Variants in SEMA6D observed in about 807,000 individuals in gnomAD.
SEMA6D encodes semaphorin-6D.
Under a neutral mutation model 106.6 loss-of-function variants are expected in SEMA6D, and 35 were observed. The observed-to-expected ratio is 0.33, with a 90% CI of 0.25 to 0.44. The LOEUF is 0.44. Among genes scored for constraint, SEMA6D ranks in the 20% least tolerant of loss-of-function variants. The pLI is 1.00. For synonymous variants in SEMA6D, 499 were observed against 487.7 expected, an observed-to-expected ratio of 1.02 and a Z score of -0.31; for missense variants, 1,185 against 1,345.9, an observed-to-expected ratio of 0.88 and a Z score of 1.87.
chr15:47,563,956 G>A (rs1266780585), intron 3 of SEMA6D, among the ~76,000 whole-genome samples: 1 of 152,132 alleles, frequency 6.6e-6, no homozygotes, highest in Admixed American at 6.5e-5. Flanking sequence ...GCAGATGGAA[G>A]GCTTTACTTT....
At chr15:47,417,906 G>C (rs899108305) in intron 2 of SEMA6D, among the ~76,000 whole-genome samples, 1 of 151,840 alleles carries the variant, frequency 6.6e-6, no homozygotes, top group Non-Finnish European at 1.5e-5. Flanking sequence ...GTGTATTGGG[G>C]ATACTGAAGT....
chr15:47,307,874 C>T (rs544531356), intron 1 of SEMA6D, among the ~76,000 whole-genome samples: 49 of 152,104 alleles, frequency 3.2e-4, no homozygotes, highest in African/African-American at 1.0e-3. Flanking sequence ...AAGATATTTA[C>T]GAGAATTACA....
chr15:47,383,992 T>C (rs1010856328), intron 1 of SEMA6D, among the ~76,000 whole-genome samples: 9 of 152,240 alleles, frequency 5.9e-5, no homozygotes, highest in Non-Finnish European at 1.2e-4. Context: ...TTCCACGATC[T>C]CATTTACAAT....
intron 4 of SEMA6D, among the ~76,000 whole-genome samples, chr15:47,709,569 G>C (rs1370437428): frequency 6.6e-6 from 1 of 152,190 alleles, no homozygotes; most frequent in East Asian, 1.9e-4. Context: ...GAATGAATGA[G>C]TGAATGATCC....
chr15:47,589,932 T>A (rs1194183391), intron 3 of SEMA6D, among the ~76,000 whole-genome samples: 1 of 152,224 alleles, frequency 6.6e-6, no homozygotes. Flanking sequence ...TTCAGAGTTT[T>A]TGGGTTGATT....
At chr15:47,654,724 TTC>T (rs1264399728) in intron 4 of SEMA6D, among the ~76,000 whole-genome samples, 1 of 152,204 alleles carries the variant, frequency 6.6e-6, no homozygotes, top group Non-Finnish European at 1.5e-5. Context: ...CCCACTGCCT[TTC>T]TCTCTTGCTC....
At chr15:47,378,056 C>T (rs1466801458) in intron 1 of SEMA6D, among the ~76,000 whole-genome samples, 1 of 152,160 alleles carries the variant, frequency 6.6e-6, no homozygotes, top group East Asian at 1.9e-4. Context: ...TTTGAAGCAG[C>T]TTGATTGGTA....
intron 4 of SEMA6D, among the ~76,000 whole-genome samples, chr15:47,628,304 G>T (rs554569209): frequency 1.3e-5 from 2 of 152,064 alleles, no homozygotes; most frequent in South Asian, 2.1e-4. Flanking sequence ...TATGTGAGTT[G>T]TATGTTTAGT....
intron 3 of SEMA6D, among the ~76,000 whole-genome samples, chr15:47,530,051 C>G (rs12592812): frequency 0.27 from 40,527 of 152,098 alleles, 5,737 homozygotes; most frequent in East Asian, 0.47. Context: ...CACCATAGCT[C>G]CACTCAGCAG....
chr15:47,587,145 C>G (rs1457702927), intron 3 of SEMA6D, among the ~76,000 whole-genome samples: 1 of 152,080 alleles, frequency 6.6e-6, no homozygotes, highest in Non-Finnish European at 1.5e-5. Context: ...GGAGCTTTCC[C>G]AGCACATGGG....
chr15:47,293,962 G>T (rs1173325151), intron 1 of SEMA6D, among the ~76,000 whole-genome samples: 5 of 152,148 alleles, frequency 3.3e-5, no homozygotes, highest in African/African-American at 1.2e-4. Flanking sequence ...GGTGTCATTG[G>T]TATTTATTCT....
chr15:47,659,709 G>A (rs2077877948), intron 4 of SEMA6D, among the ~76,000 whole-genome samples: 1 of 152,086 alleles, frequency 6.6e-6, no homozygotes, highest in Admixed American at 6.5e-5. Context: ...CATATACAAA[G>A]TTCTTAAAGT....
chr15:47,646,299 G>C (rs986417145), intron 4 of SEMA6D, among the ~76,000 whole-genome samples: 2 of 152,140 alleles, frequency 1.3e-5, no homozygotes, highest in African/African-American at 4.8e-5. Flanking sequence ...CCGTATGCCA[G>C]GAAACTTACC....
intron 1 of SEMA6D, among the ~76,000 whole-genome samples, chr15:47,288,054 T>C (rs1230114495): frequency 1.3e-5 from 2 of 152,154 alleles, no homozygotes; most frequent in African/African-American, 4.8e-5. Context: ...ATCAGATCTT[T>C]TGTGAAGTCA....
At chr15:47,454,144 A>ACAACGC (rs1555442637) in intron 2 of SEMA6D, among the ~76,000 whole-genome samples, 3 of 151,944 alleles carry the variant, frequency 2.0e-5, no homozygotes, top group African/African-American at 7.2e-5. Flanking sequence ...GTGGATATAT[A>ACAACGC]CAAGGCTCTG....
chr15:47,207,142 G>A lies in SEMA6D; in HGVS notation c.-239+22724G>A, dbSNP rs527841262. ...TCAATTCACTTGAGGGTCCTAGGGA[G>A]CCAGCCTTGAAAGAATTTTAAAAAG... On this transcript the variant is annotated intron_variant, in intron 1 of 19. Transcript: ENST00000558014. 1.5e-4 allele frequency among the ~76,000 whole-genome samples: 23 copies of A among 152,254 alleles called. No individual in the cohort carries two copies. The South Asian group carries it at 2.1e-3, about 14-fold the overall frequency.
At chr15:47,318,333 T>C (rs927083495) in intron 1 of SEMA6D, among the ~76,000 whole-genome samples, 1 of 144,838 alleles carries the variant, frequency 6.9e-6, no homozygotes, top group African/African-American at 2.5e-5. Context: ...TAGTTACATA[T>C]GTATACATGT....
At chr15:47,750,901 G>A (rs144331766) in intron 1 of SEMA6D, among the ~76,000 whole-genome samples, 24 of 152,210 alleles carry the variant, frequency 1.6e-4, no homozygotes, top group African/African-American at 3.6e-4. Context: ...TAGCAGTACC[G>A]ATTCCTTAAA....
intron 3 of SEMA6D, among the ~76,000 whole-genome samples, chr15:47,575,634 G>A (rs1005572161): frequency 2.0e-5 from 3 of 152,084 alleles, no homozygotes; most frequent in East Asian, 3.9e-4. Context: ...CAGGAGAATC[G>A]CTTCAACCCG....
Sources: gnomAD v4.1 joint callset for allele counts (sites outside exome capture counted in the v4.1 genomes callset) on GRCh38, gnomAD v4.1.1 for gene constraint, MANE v1.5 for transcripts, NCBI Gene and HGNC (gene_info 2026-07-23, HGNC 2026-07-21) for gene names.